SGPL1: variants seen among roughly 807,000 people sequenced by gnomAD.
The protein encoded by SGPL1 is sphingosine-1-phosphate lyase 1.
A neutral mutation model predicts 68.9 loss-of-function variants in SGPL1; 37 were observed. That is an observed-to-expected ratio of 0.54 (90% CI 0.41 to 0.71). SGPL1 has a LOEUF of 0.71. Ranked by LOEUF, SGPL1 falls within the 30% of genes least tolerant of loss-of-function variation. The probability of loss-of-function intolerance (pLI) is 0.00; values close to 1 mark genes in which losing one functional copy is unlikely to be tolerated. For missense variants in SGPL1, 551 were observed against 704.6 expected (o/e 0.78, Z 2.47); for synonymous variants, 236 against 248.5 (o/e 0.95, Z 0.47).
At chr10:70,839,848 A>T (rs1845688351) in intron 2 of SGPL1, among the ~76,000 whole-genome samples, 1 of 152,082 alleles carries the variant, frequency 6.6e-6, no homozygotes, top group Admixed American at 6.6e-5. Flanking sequence ...TTGGAAGAAG[A>T]ATAATTGTCT....
At chr10:70,859,210 CCT>C (rs368850847) in intron 6 of SGPL1, among the ~76,000 whole-genome samples, 159 bp from the exon 7 acceptor site, 2 of 152,314 alleles carry the variant, frequency 1.3e-5, no homozygotes, top group African/African-American at 4.8e-5. Context: ...ATGTCTGTCT[CCT>C]CTGCTATGTT....
Position 70,875,602 on chromosome 10 carries a change from T to C in SGPL1, c.1445+54T>C, listed in dbSNP as rs1846371776. The C allele has an allele frequency of 7.4e-6, 11 of 1,485,366 alleles. No homozygotes were observed. In the Admixed American group the frequency reaches 1.6e-4, roughly 21 times the overall value. The allele number at this position is 1,485,366 out of a possible 1,614,324, so 92.0% of individuals were successfully genotyped here. On this transcript the variant is annotated intron_variant, in intron 13 of 14. Transcript: ENST00000373202. ...TTTTGCTCCATGATTTTGGAAGAAC[T>C]TGGGTGGTACAGTAACCTGAAGTAT... is the stretch of plus-strand genomic sequence containing the variant.
chr10:70,821,871 A>G (rs2131846563), intron 2 of SGPL1, among the ~76,000 whole-genome samples: 1 of 152,156 alleles, frequency 6.6e-6, no homozygotes, highest in African/African-American at 2.4e-5. Flanking sequence ...GCTGCTCAGG[A>G]ATATATATTG....
intron 2 of SGPL1, among the ~76,000 whole-genome samples, chr10:70,823,563 GAAAAAA>G (rs139852875): frequency 2.4e-5 from 2 of 83,456 alleles, no homozygotes; most frequent in African/African-American, 9.3e-5. Context: ...ACTTTATATT[GAAAAAA>G]AAAAAAAAAA....
At chr10:70,819,441 G>T (rs1845297893) in intron 2 of SGPL1, among the ~76,000 whole-genome samples, 1 of 152,070 alleles carries the variant, frequency 6.6e-6, no homozygotes, top group Non-Finnish European at 1.5e-5. Context: ...AATAACCATG[G>T]CTGGGTTTTC....
intron 2 of SGPL1, among the ~76,000 whole-genome samples, chr10:70,824,968 C>CTT (rs33942248): frequency 0.14 from 19,257 of 141,280 alleles, 1,508 homozygotes; most frequent in Non-Finnish European, 0.18. Context: ...TGTTTTTTCT[C>CTT]TTTTTTTTTT....
At chr10:70,847,294 G>C (rs572937403) in intron 3 of SGPL1, among the ~76,000 whole-genome samples, 7 of 152,050 alleles carry the variant, frequency 4.6e-5, no homozygotes, top group Non-Finnish European at 1.0e-4. Context: ...GATTATAGGT[G>C]CCCACTATCA....
At position 70,851,282 on chromosome 10, in the gene SGPL1, C is replaced by T. The variant is rs1030715254; in HGVS notation, c.261+72C>T. On this transcript the variant is annotated intron_variant, in intron 4 of 14. Transcript: ENST00000373202. ...ACCTCTTTCTTTCTATTTACTAAAC[C>T]TAATATTCTCAAAGTGGAGGGGTGA... 30 of 1,264,988 alleles carry T rather than the reference C, an allele frequency of 2.4e-5. No individual in the cohort carries two copies. The African/African-American group carries it at 4.3e-4, about 18-fold the overall frequency. The allele number at this position is 1,264,988 out of a possible 1,614,324, so 78.4% of individuals were successfully genotyped here.
At chr10:70,863,618 G>T (rs1307173102) in intron 7 of SGPL1, among the ~76,000 whole-genome samples, 2 of 151,912 alleles carry the variant, frequency 1.3e-5, no homozygotes, top group Admixed American at 1.3e-4. Flanking sequence ...GAGTTGCTGG[G>T]GATTGCCACC....
chr10:70,848,145 T>C (rs988145877), intron 3 of SGPL1, among the ~76,000 whole-genome samples: 2 of 152,224 alleles, frequency 1.3e-5, no homozygotes, highest in African/African-American at 4.8e-5. Context: ...AGTTTCTTGT[T>C]GTGTCACCTT....
At chr10:70,841,441 T>C (rs1384352442) in intron 2 of SGPL1, among the ~76,000 whole-genome samples, 1 of 152,190 alleles carries the variant, frequency 6.6e-6, no homozygotes, top group African/African-American at 2.4e-5. Flanking sequence ...ACAGCAGATA[T>C]GGTGCCTGAT....
rs755201872 is a variant in SGPL1, at chr10:70,878,957, C to G, written c.*1622C>G. On this transcript the variant is annotated 3_prime_UTR_variant, in exon 15 of 15. Coordinates refer to ENST00000373202, the MANE Select transcript of SGPL1 (RefSeq NM_003901.4). ...GGTGCAGGGACAGGACCAGACCCTG[C>G]GCCTATTTCCTGCCTTCTTTCCCCT... The G allele has an allele frequency of 6.5e-6, 1 of 152,718 alleles. No individual in the cohort carries two copies. The highest frequency in any genetic ancestry group is 1.5e-5 in the Non-Finnish European group (1 of 68,100). The allele number at this position is 152,718 out of a possible 1,614,324, so 9.5% of individuals were successfully genotyped here.
Position 70,851,127 on chromosome 10 carries a change from C to G in SGPL1, c.194-16C>G. 8.1e-6 allele frequency: 13 copies of G among 1,604,246 alleles called. No individual in the cohort carries two copies. The highest frequency in any genetic ancestry group is 1.1e-5 in the Non-Finnish European group (13 of 1,171,222). On this transcript the variant is annotated splice_polypyrimidine_tract_variant and intron_variant, in intron 3 of 14. Coordinates refer to ENST00000373202, the MANE Select transcript of SGPL1 (RefSeq NM_003901.4). Reference sequence around the variant, plus strand: ...TGGAAATTTATTTGAATAAGAGAACCATTTGTTTCTTTTAGGTTTATGGTC... The same window carrying G: ...TGGAAATTTATTTGAATAAGAGAACGATTTGTTTCTTTTAGGTTTATGGTC...
At chr10:70,835,763 A>G (rs1379541147) in intron 2 of SGPL1, among the ~76,000 whole-genome samples, 3 of 151,950 alleles carry the variant, frequency 2.0e-5, no homozygotes, top group Admixed American at 2.0e-4. Context: ...AGAAATGCCA[A>G]GAAGACATTG....
intron 11 of SGPL1, 127 bp downstream of exon 11, chr10:70,872,113 C>T (rs1564631901): frequency 3.2e-6 from 3 of 945,770 alleles, no homozygotes; most frequent in Non-Finnish European, 4.6e-6. Flanking sequence ...TTGTTTTAAA[C>T]TCTCTCTTTG....
At chr10:70,817,560 C>T (rs1322673516) in intron 2 of SGPL1, among the ~76,000 whole-genome samples, 1 of 152,186 alleles carries the variant, frequency 6.6e-6, no homozygotes, top group Non-Finnish European at 1.5e-5. Context: ...GCTTCAGCCT[C>T]TGGAGTAGCT....
intron 2 of SGPL1, among the ~76,000 whole-genome samples, chr10:70,823,294 C>CA (rs1467167002): frequency 6.6e-6 from 1 of 151,354 alleles, no homozygotes; most frequent in African/African-American, 2.4e-5. Flanking sequence ...CACATTAAAT[C>CA]AGTCTTCTCT....
intron 2 of SGPL1, among the ~76,000 whole-genome samples, chr10:70,828,658 G>A (rs1845479244): frequency 1.3e-5 from 2 of 152,164 alleles, no homozygotes; most frequent in Admixed American, 6.5e-5. Flanking sequence ...CCTGTTAAGG[G>A]CAGAATTTAA....
chr10:70,848,828 C>T (rs765427622), intron 3 of SGPL1, among the ~76,000 whole-genome samples: 2 of 152,152 alleles, frequency 1.3e-5, no homozygotes, highest in Admixed American at 6.5e-5. Flanking sequence ...ACGTATGCAA[C>T]ACATTTTTAT....
Sources: allele counts gnomAD v4.1 joint callset (sites outside exome capture counted in the v4.1 genomes callset), GRCh38; gene constraint gnomAD v4.1.1; transcripts MANE v1.5; gene names NCBI Gene and HGNC (gene_info 2026-07-23, HGNC 2026-07-21).